B3GALNT1: variants seen among roughly 807,000 people sequenced by gnomAD.
B3GALNT1 encodes the protein beta-1,3-N-acetylgalactosaminyltransferase 1 (Globoside blood group).
Under a neutral mutation model 27.3 loss-of-function variants are expected in B3GALNT1, and 17 were observed. The ratio of observed to expected loss-of-function variants is 0.62; its 90% CI spans 0.43 to 0.94. The LOEUF is 0.94. B3GALNT1 is among the 40% of genes least tolerant of loss of function. The pLI, the probability that B3GALNT1 is intolerant of heterozygous loss-of-function variation, is 0.00. For missense variants in B3GALNT1, 347 were observed against 390.0 expected (o/e 0.89, Z 0.93); for synonymous variants, 141 against 144.0 (o/e 0.98, Z 0.15).
intron 4 of B3GALNT1, among the ~76,000 whole-genome samples, chr3:161,092,253 A>G (rs900630024): frequency 1.5e-4 from 23 of 152,348 alleles, no homozygotes; most frequent in African/African-American, 4.6e-4. Flanking sequence ...ATGTCTTCCA[A>G]TGGAATCCTA....
chr3:161,096,404 A>G (rs1426777924), intron 4 of B3GALNT1, among the ~76,000 whole-genome samples: 1 of 152,210 alleles, frequency 6.6e-6, no homozygotes. Context: ...ACTATTATAG[A>G]TAATTACCAA....
intron 4 of B3GALNT1, among the ~76,000 whole-genome samples, chr3:161,098,847 G>C (rs1729638571): frequency 1.3e-5 from 2 of 152,198 alleles, no homozygotes; most frequent in African/African-American, 4.8e-5. Context: ...AGCTAGAAGA[G>C]ATTCACTGAG....
chr3:161,093,082 T>C (rs1210369201), intron 4 of B3GALNT1, among the ~76,000 whole-genome samples: 2 of 152,028 alleles, frequency 1.3e-5, no homozygotes, highest in Non-Finnish European at 2.9e-5. Flanking sequence ...CAGCTATAAA[T>C]CAGGCATCAC....
chr3:161,104,167 A>G (rs536239894), intron 2 of B3GALNT1, 152 bp downstream of exon 2: 24 of 433,582 alleles, frequency 5.5e-5, no homozygotes, highest in Admixed American at 1.5e-4. Context: ...TGTTCTCCAG[A>G]CTGATACGCG....
intron 2 of B3GALNT1, chr3:161,103,926 C>T (rs980170039): frequency 5.4e-6 from 1 of 185,986 alleles, no homozygotes; most frequent in South Asian, 9.8e-5. Flanking sequence ...GGGGTTTCAC[C>T]ACGTTGGCCA....
rs1288955467 is a variant in B3GALNT1 at position 161,083,892 on chromosome 3, G to A, written c.*1867C>T. ...GAATAGAACACTCTAATTATAAAAA[G>A]TAAATACACAAACCGGTGTCATTTA... is the stretch of plus-strand genomic sequence containing the variant. On this transcript the variant is annotated 3_prime_UTR_variant, in exon 5 of 5. Transcript: ENST00000320474. 1 of 152,134 alleles carries A rather than the reference G, an allele frequency of 6.6e-6. No individual in the cohort carries two copies. The highest frequency in any genetic ancestry group is 1.5e-5 in the Non-Finnish European group (1 of 68,002). The allele number at this position is 152,134 out of a possible 1,614,324, so 9.4% of individuals were successfully genotyped here.
intron 4 of B3GALNT1, among the ~76,000 whole-genome samples, chr3:161,096,444 TTTC>T (rs1268325159): frequency 1.3e-5 from 2 of 152,216 alleles, no homozygotes; most frequent in African/African-American, 4.8e-5. Flanking sequence ...CATTCTAACT[TTTC>T]TTCTACATAA....
chr3:161,104,199 C>G lies in B3GALNT1; in HGVS notation c.-221+120G>C, dbSNP rs1269366257. 2.6e-5 allele frequency: 16 copies of G among 623,032 alleles called. No homozygotes were observed. The Admixed American group carries it at 5.5e-4, about 22-fold the overall frequency. 38.6% of individuals were successfully genotyped at this position (623,032 alleles called of 1,614,324 possible). On this transcript the variant is annotated intron_variant, in intron 2 of 4. Coordinates refer to ENST00000320474, the MANE Select transcript of B3GALNT1 (RefSeq NM_003781.4). ...CGCGTTCAGTAATTTGTGCTTTTAT[C>G]AGGCATCGACACATGCATACTAAGA...
At chr3:161,101,672 A>C (rs9826857) in intron 3 of B3GALNT1, among the ~76,000 whole-genome samples, 3,797 of 152,250 alleles carry the variant, frequency 0.025, 131 homozygotes, top group Admixed American at 0.072. Flanking sequence ...AAATGTTTCT[A>C]AACTAGTGAC....
rs1733760545 is a variant in B3GALNT1 at position 161,105,255 on chromosome 3, C to T, written c.-329G>A. On this transcript the variant is annotated 5_prime_UTR_variant, in exon 1 of 5. Coordinates refer to ENST00000320474, the MANE Select transcript of B3GALNT1 (RefSeq NM_003781.4). The stretch of plus-strand genomic sequence containing the variant: ...CTCACCTCCTGTGCTCGGCGCGCAC[C>T]CAGCTCGGAAGCGGGAAGGTGGCCG... 1 of 152,306 alleles carries T rather than the reference C, an allele frequency of 6.6e-6. No homozygotes were observed. Among genetic ancestry groups the T allele is most frequent in the African/African-American group, 2.4e-5 (1 of 41,462 alleles). 9.4% of individuals were successfully genotyped at this position (152,306 alleles called of 1,614,324 possible).
intron 4 of B3GALNT1, among the ~76,000 whole-genome samples, chr3:161,099,484 T>C (rs1307457260): frequency 6.6e-6 from 1 of 152,178 alleles, no homozygotes; most frequent in East Asian, 1.9e-4. Context: ...ACAGTTTAGC[T>C]GAGTATGAGT....
chr3:161,084,609 A>G lies in B3GALNT1; in HGVS notation c.*1150T>C, dbSNP rs1047930240. ...AAATGATATATCACCACGTCTATGA[A>G]GAAATTTCTTTCTATAAAAGCACAA... On this transcript the variant is annotated 3_prime_UTR_variant, in exon 5 of 5. Transcript: ENST00000320474. The G allele has an allele frequency of 1.3e-5, 2 of 152,200 alleles. No homozygotes were observed. The highest frequency in any genetic ancestry group is 4.8e-5 in the African/African-American group (2 of 41,458). The allele number at this position is 152,200 out of a possible 1,614,324, so 9.4% of individuals were successfully genotyped here. A position where few individuals can be genotyped will look rare whatever the true frequency, so the allele number is the denominator to read the frequency against.
intron 2 of B3GALNT1, 145 bp downstream of exon 2, chr3:161,104,174 C>G (rs184290952): frequency 2.2e-6 from 1 of 453,178 alleles, no homozygotes. Flanking sequence ...CAGACTGATA[C>G]GCGTTCAGTA....
intron 4 of B3GALNT1, among the ~76,000 whole-genome samples, chr3:161,090,521 G>A (rs1486207643): frequency 6.6e-6 from 1 of 151,662 alleles, no homozygotes; most frequent in Non-Finnish European, 1.5e-5. Flanking sequence ...AATAATACAG[G>A]CTACATTCTC....
In B3GALNT1 at chr3:161,101,224, G is replaced by C; in HGVS notation, c.-120C>G. The stretch of plus-strand genomic sequence containing the variant: ...CCAACAGGTCAACCGGGTCCAGGGA[G>C]CTAAGAAAACTGGAGCAGAGCAAAG... On this transcript the variant is annotated 5_prime_UTR_variant, in exon 4 of 5. Transcript: ENST00000320474. 7.8e-7 allele frequency: 1 copy of C among 1,289,850 alleles called. No individual in the cohort carries two copies. The highest frequency in any genetic ancestry group is 1.0e-6 in the Non-Finnish European group (1 of 988,822). The allele number at this position is 1,289,850 out of a possible 1,614,324, so 79.9% of individuals were successfully genotyped here. A position where few individuals can be genotyped will look rare whatever the true frequency, so the allele number is the denominator to read the frequency against.
rs1206804915 is a variant in B3GALNT1, at chr3:161,084,388, T to A, written c.*1371A>T. The A allele has an allele frequency of 6.6e-6, 1 of 152,198 alleles. No individual in the cohort carries two copies. Among genetic ancestry groups the A allele is most frequent in the Non-Finnish European group, 1.5e-5 (1 of 68,030 alleles). The allele number at this position is 152,198 out of a possible 1,614,324, so 9.4% of individuals were successfully genotyped here. On this transcript the variant is annotated 3_prime_UTR_variant, in exon 5 of 5. Coordinates refer to ENST00000320474, the MANE Select transcript of B3GALNT1 (RefSeq NM_003781.4). ...AGTTGTTTTTCATATAGGACAATCA[T>A]AAATATGAGTATTACAAGAGCTGAC...
At chr3:161,101,062 A>C in intron 4 of B3GALNT1, 77 bp downstream of exon 4, 2 of 1,160,000 alleles carry the variant, frequency 1.7e-6, no homozygotes, top group Non-Finnish European at 2.3e-6. Context: ...CCCAGGAGAG[A>C]CCAACCTCAC....
At position 161,101,226 on chromosome 3, in the gene B3GALNT1, T is replaced by G; in HGVS notation, c.-122A>C. 7.8e-7 allele frequency: 1 copy of G among 1,289,700 alleles called. No homozygotes were observed. The highest frequency in any genetic ancestry group is 1.0e-6 in the Non-Finnish European group (1 of 988,826). 79.9% of individuals were successfully genotyped at this position (1,289,700 alleles called of 1,614,324 possible). A position where few individuals can be genotyped will look rare whatever the true frequency, so the allele number is the denominator to read the frequency against. ...AACAGGTCAACCGGGTCCAGGGAGC[T>G]AAGAAAACTGGAGCAGAGCAAAGAT... On this transcript the variant is annotated 5_prime_UTR_variant, in exon 4 of 5. Transcript: ENST00000320474.
chr3:161,103,534 A>C lies in B3GALNT1; in HGVS notation c.-220-17T>G, dbSNP rs571526794. On this transcript the variant is annotated splice_polypyrimidine_tract_variant and intron_variant, in intron 2 of 4. Coordinates refer to ENST00000320474, the MANE Select transcript of B3GALNT1 (RefSeq NM_003781.4). ...TGTGAACTACTGAACAGAAGAACAGAAAAAAATATATATGAGTCATAACAT... is the reference window on the plus strand; with the variant it reads ...TGTGAACTACTGAACAGAAGAACAGCAAAAAATATATATGAGTCATAACAT... 6 of 1,013,336 alleles carry C rather than the reference A, an allele frequency of 5.9e-6. No individual in the cohort carries two copies. Among genetic ancestry groups the C allele is most frequent in the Non-Finnish European group, 5.3e-6 (4 of 749,232 alleles). 62.8% of individuals were successfully genotyped at this position (1,013,336 alleles called of 1,614,324 possible).
Sources: allele counts gnomAD v4.1 joint callset (sites outside exome capture counted in the v4.1 genomes callset), GRCh38; gene constraint gnomAD v4.1.1; transcripts MANE v1.5; gene names NCBI Gene and HGNC (gene_info 2026-07-23, HGNC 2026-07-21).